DACH2: variants seen among roughly 807,000 people sequenced by gnomAD.
The protein encoded by DACH2 is dachshund homolog 2.
In DACH2, 17 loss-of-function variants were observed where a neutral mutation model predicts 35.8. The ratio of observed to expected loss-of-function variants is 0.48; its 90% confidence interval spans 0.33 to 0.71. The LOEUF is 0.71. DACH2 is among the 30% of genes least tolerant of loss of function. The pLI, the probability that DACH2 is intolerant of heterozygous loss-of-function variation, is 0.02. For missense variants in DACH2, 469 were observed against 472.7 expected, an observed-to-expected ratio of 0.99 and a Z score of 0.07; for synonymous variants, 195 against 177.3, an observed-to-expected ratio of 1.10 and a Z score of -0.79.
At chrX:86,303,920 A>C (rs1470768349) in intron 1 of DACH2, among the ~76,000 whole-genome samples, 2 of 111,556 alleles carry the variant, frequency 1.8e-5, no homozygotes, top group African/African-American at 6.5e-5. Flanking sequence ...AAGACTCAGA[A>C]TAGTCAAAAC....
chrX:86,437,363 T>A (rs748223728), intron 2 of DACH2, among the ~76,000 whole-genome samples: 73 of 111,649 alleles, frequency 6.5e-4, no homozygotes, highest in African/African-American at 2.3e-3. Flanking sequence ...GTCATCCTAC[T>A]TTTTATTAAA....
At chrX:86,250,617 G>T (rs1166963893) in intron 1 of DACH2, among the ~76,000 whole-genome samples, 3 of 110,972 alleles carry the variant, frequency 2.7e-5, no homozygotes, top group African/African-American at 9.8e-5. Context: ...TACACATTTT[G>T]GAAATGTTTT....
chrX:86,626,460 G>A (rs990016244), intron 3 of DACH2, among the ~76,000 whole-genome samples: 5 of 112,651 alleles, frequency 4.4e-5, no homozygotes, highest in Non-Finnish European at 7.5e-5. Flanking sequence ...GGAGACTGGA[G>A]GACAGTGGCT....
rs185435122 is a variant in DACH2 at position 86,652,354 on chromosome X, A to G, written c.772+1187A>G. On this transcript the variant is annotated intron_variant, in intron 4 of 11. Transcript: ENST00000373125. ...TCTTTATCCACTTTCTCATTGATGG[A>G]CATTCAGGTTGATTCCATGTCTTTG... Among the ~76,000 whole-genome samples, 15 of 112,342 alleles carry G rather than the reference A, an allele frequency of 1.3e-4. No homozygotes were observed. The East Asian group carries it at 3.9e-3, about 29-fold the overall frequency.
At chrX:86,747,834 A>C (rs1004207545) in intron 7 of DACH2, among the ~76,000 whole-genome samples, 3 of 111,723 alleles carry the variant, frequency 2.7e-5, no homozygotes, top group Non-Finnish European at 5.6e-5. Flanking sequence ...TCTCTGTAGC[A>C]TGTGATGCTG....
At chrX:86,664,724 T>C (rs2040646315) in intron 4 of DACH2, among the ~76,000 whole-genome samples, 1 of 112,090 alleles carries the variant, frequency 8.9e-6, no homozygotes, top group Admixed American at 9.5e-5. Flanking sequence ...AGCTGCATGA[T>C]TGCCGAGTTA....
In DACH2 at chrX:86,286,310, T is replaced by G. The variant is rs1368055802; in HGVS notation, c.489-90514T>G. 1.8e-5 allele frequency among the ~76,000 whole-genome samples: 2 copies of G among 109,059 alleles called. 1 individual carries two copies. The highest frequency in any genetic ancestry group is 2.0e-4 in the Admixed American group (2 of 10,126). 94.7% of individuals were successfully genotyped at this position (109,059 alleles called of 115,157 possible). A position where few individuals can be genotyped will look rare whatever the true frequency, so the allele number is the denominator to read the frequency against. On this transcript the variant is annotated intron_variant, in intron 1 of 11. Coordinates refer to ENST00000373125, the MANE Select transcript of DACH2 (RefSeq NM_053281.3). Reference sequence around the variant, plus strand: ...GCCCGGCTAATTTTTTGTATTTTTTTTAGTAGAGACGGGGTTTCACCTTGT... The same window carrying G: ...GCCCGGCTAATTTTTTGTATTTTTTGTAGTAGAGACGGGGTTTCACCTTGT...
intron 1 of DACH2, among the ~76,000 whole-genome samples, chrX:86,322,872 G>T (rs948129956): frequency 2.7e-5 from 3 of 112,154 alleles, no homozygotes; most frequent in African/African-American, 6.5e-5. Context: ...AAACATAAGG[G>T]TCAAATGGTG....
At chrX:86,783,054 A>G (rs1476342029) in intron 7 of DACH2, among the ~76,000 whole-genome samples, 1 of 111,907 alleles carries the variant, frequency 8.9e-6, no homozygotes, top group Non-Finnish European at 1.9e-5. Flanking sequence ...TAATAAACTC[A>G]AACAACTGTA....
chrX:86,534,416 A>C (rs962677250), intron 3 of DACH2, among the ~76,000 whole-genome samples: 2 of 112,510 alleles, frequency 1.8e-5, no homozygotes, highest in African/African-American at 6.5e-5. Context: ...ATGACACACA[A>C]ATAGGGAATA....
chrX:86,712,515 T>C (rs1482574451), intron 5 of DACH2, among the ~76,000 whole-genome samples: 1 of 101,814 alleles, frequency 9.8e-6, no homozygotes, highest in African/African-American at 4.4e-5. Context: ...ACGTTGTGTG[T>C]ATATATATAT....
chrX:86,343,217 A>G (rs765463944), intron 1 of DACH2, among the ~76,000 whole-genome samples: 1 of 111,750 alleles, frequency 8.9e-6, no homozygotes, highest in Non-Finnish European at 1.9e-5. Flanking sequence ...TATCAACAAA[A>G]GTATATATCA....
chrX:86,293,902 T>C (rs1386221900), intron 1 of DACH2, among the ~76,000 whole-genome samples: 1 of 110,994 alleles, frequency 9.0e-6, no homozygotes, highest in Non-Finnish European at 1.9e-5. Flanking sequence ...ATTATGTGTC[T>C]TGGAGGTGCT....
chrX:86,491,863 A>G (rs2038097863), intron 2 of DACH2, among the ~76,000 whole-genome samples: 1 of 111,699 alleles, frequency 9.0e-6, no homozygotes, highest in Non-Finnish European at 1.9e-5. Context: ...AATCAGGAAG[A>G]TGAGGGAGTT....
intron 1 of DACH2, among the ~76,000 whole-genome samples, chrX:86,286,124 T>A (rs2034141560): frequency 1.8e-4 from 1 of 5,551 alleles, no homozygotes; most frequent in African/African-American, 4.5e-4. Context: ...TGTTTTTTTT[T>A]TTTTTTTTTT....
At chrX:86,738,416 A>G (rs976639584) in intron 6 of DACH2, among the ~76,000 whole-genome samples, 5 of 112,296 alleles carry the variant, frequency 4.5e-5, no homozygotes, top group Non-Finnish European at 5.6e-5. Flanking sequence ...ACAAGCACAT[A>G]TTCGACAAAT....
intron 3 of DACH2, among the ~76,000 whole-genome samples, chrX:86,570,326 T>C (rs1235138217): frequency 9.0e-6 from 1 of 111,391 alleles, no homozygotes; most frequent in Non-Finnish European, 1.9e-5. Context: ...AGCAAAGACA[T>C]GGAATCAACC....
At chrX:86,613,497 A>G (rs1165568925) in intron 3 of DACH2, among the ~76,000 whole-genome samples, 1 of 111,962 alleles carries the variant, frequency 8.9e-6, no homozygotes, top group South Asian at 3.6e-4. Flanking sequence ...AAAACCAATT[A>G]TAAATTTTTT....
At chrX:86,593,315 A>T (rs1602679566) in intron 3 of DACH2, among the ~76,000 whole-genome samples, 1 of 110,338 alleles carries the variant, frequency 9.1e-6, no homozygotes, top group Admixed American at 9.7e-5. Context: ...TAACTGATTA[A>T]TTGAATTTTG....
Sources: gnomAD v4.1 joint callset for allele counts (sites outside exome capture counted in the v4.1 genomes callset) on GRCh38, gnomAD v4.1.1 for gene constraint, MANE v1.5 for transcripts, NCBI Gene and HGNC (gene_info 2026-07-23, HGNC 2026-07-21) for gene names.